Variants in GRIK2 observed in about 807,000 individuals in gnomAD.
GRIK2 encodes the protein glutamate ionotropic receptor kainate type subunit 2.
Under a neutral mutation model 100.3 loss-of-function variants are expected in GRIK2, and 32 were observed. The observed-to-expected ratio is 0.32, with a 90% CI of 0.24 to 0.43. The LOEUF (loss-of-function observed/expected upper bound fraction) is 0.43. Ranked by LOEUF, GRIK2 falls within the 20% of genes least tolerant of loss-of-function variation. The pLI, the probability that GRIK2 is intolerant of heterozygous loss-of-function variation, is 1.00. For synonymous variants in GRIK2, 417 were observed against 389.4 expected (o/e 1.07, Z -0.83); for missense variants, 843 against 1,114.9 (o/e 0.76, Z 3.47).
intron 7 of GRIK2, among the ~76,000 whole-genome samples, chr6:101,747,949 A>G (rs756830472): frequency 1.1e-4 from 16 of 152,198 alleles, no homozygotes; most frequent in Non-Finnish European, 2.1e-4. Flanking sequence ...GAGTCTCTGC[A>G]GGAGGATTTC....
At chr6:101,611,949 T>C (rs1482002829) in intron 2 of GRIK2, among the ~76,000 whole-genome samples, 1 of 151,896 alleles carries the variant, frequency 6.6e-6, no homozygotes, top group Non-Finnish European at 1.5e-5. Flanking sequence ...ATAAAACTCT[T>C]AGAATTTGTT....
chr6:101,660,754 T>C (rs1190388812), intron 4 of GRIK2, among the ~76,000 whole-genome samples: 1 of 152,082 alleles, frequency 6.6e-6, no homozygotes, highest in Non-Finnish European at 1.5e-5. Flanking sequence ...TCTTCTGGAG[T>C]TTGCTGGAGG....
At chr6:101,757,603 G>C (rs1051220860) in intron 7 of GRIK2, among the ~76,000 whole-genome samples, 1 of 152,120 alleles carries the variant, frequency 6.6e-6, no homozygotes, top group Non-Finnish European at 1.5e-5. Flanking sequence ...AAGGGGATGA[G>C]CGATTCGCCT....
At chr6:101,424,179 T>C (rs1335738847) in intron 2 of GRIK2, among the ~76,000 whole-genome samples, 2 of 152,158 alleles carry the variant, frequency 1.3e-5, no homozygotes, top group Admixed American at 1.3e-4. Context: ...TTTATTTTTT[T>C]TTATTATACT....
chr6:101,424,024 G>A (rs1445029365), intron 2 of GRIK2, among the ~76,000 whole-genome samples: 1 of 152,078 alleles, frequency 6.6e-6, no homozygotes. Context: ...TTACTCATGA[G>A]GATTTGATTT....
At chr6:101,833,646 C>T (rs1252039996) in intron 10 of GRIK2, among the ~76,000 whole-genome samples, 1 of 152,064 alleles carries the variant, frequency 6.6e-6, no homozygotes, top group Non-Finnish European at 1.5e-5. Context: ...TGATAATCTA[C>T]AGAGATTGTC....
intron 11 of GRIK2, among the ~76,000 whole-genome samples, chr6:101,861,922 A>G (rs112540293): frequency 3.3e-5 from 5 of 152,246 alleles, no homozygotes; most frequent in African/African-American, 9.6e-5. Flanking sequence ...ACAGAAGCTT[A>G]TATTACTATC....
At chr6:101,931,172 C>T (rs1301314133) in intron 14 of GRIK2, among the ~76,000 whole-genome samples, 2 of 151,746 alleles carry the variant, frequency 1.3e-5, no homozygotes, top group African/African-American at 4.8e-5. Flanking sequence ...ATAGTTATTC[C>T]AGCTATGGTA....
chr6:101,845,213 T>G (rs1783739021), intron 10 of GRIK2, among the ~76,000 whole-genome samples: 2 of 152,086 alleles, frequency 1.3e-5, no homozygotes, highest in Admixed American at 6.6e-5. Context: ...AGATGGGGTC[T>G]CGCTATGTTG....
chr6:101,676,828 C>T, intron 5 of GRIK2, 24 bp downstream of exon 5: 2 of 1,409,602 alleles, frequency 1.4e-6, no homozygotes, highest in Non-Finnish European at 2.0e-6. Flanking sequence ...TACTTCAATT[C>T]TTGTTTTCTT....
chr6:101,488,546 C>A (rs575799862), intron 2 of GRIK2, among the ~76,000 whole-genome samples: 2 of 146,178 alleles, frequency 1.4e-5, no homozygotes, highest in Non-Finnish European at 3.0e-5. Flanking sequence ...GGAATTGTTC[C>A]AGTTAATATA....
intron 7 of GRIK2, among the ~76,000 whole-genome samples, chr6:101,706,822 A>G (rs1773335995): frequency 6.6e-6 from 1 of 151,914 alleles, no homozygotes; most frequent in South Asian, 2.1e-4. Flanking sequence ...AGCCTATCTG[A>G]AGAGCAGCCT....
At chr6:101,811,347 T>G (rs1781313856) in intron 9 of GRIK2, among the ~76,000 whole-genome samples, 1 of 152,052 alleles carries the variant, frequency 6.6e-6, no homozygotes, top group African/African-American at 2.4e-5. Context: ...TCAAATAACT[T>G]TCTTTTTTAC....
chr6:101,536,141 G>T (rs1194740615), intron 2 of GRIK2, among the ~76,000 whole-genome samples: 1 of 151,364 alleles, frequency 6.6e-6, no homozygotes, highest in Non-Finnish European at 1.5e-5. Context: ...AAGTTTTTTT[G>T]TGTATGTGTG....
intron 14 of GRIK2, among the ~76,000 whole-genome samples, chr6:102,029,578 TTTATTAAA>T (rs1769878873): frequency 6.6e-6 from 1 of 151,284 alleles, no homozygotes; most frequent in South Asian, 2.1e-4. Context: ...AACTTTTTGC[TTTATTAAA>T]AATAAATCTA....
chr6:101,592,730 A>AATT (rs1447631944), intron 2 of GRIK2, among the ~76,000 whole-genome samples: 1 of 150,830 alleles, frequency 6.6e-6, no homozygotes, highest in African/African-American at 2.4e-5. Context: ...ATTGAAGCAA[A>AATT]ATTATATTCA....
chr6:101,592,586 CACATATAT>C (rs1157070390), intron 2 of GRIK2, among the ~76,000 whole-genome samples: 2 of 53,390 alleles, frequency 3.7e-5, no homozygotes, highest in South Asian at 8.1e-4. Flanking sequence ...TTACTAATAT[CACATATAT>C]ATATATATAT....
intron 9 of GRIK2, among the ~76,000 whole-genome samples, chr6:101,815,562 A>G (rs1422758974): frequency 6.6e-6 from 1 of 152,002 alleles, no homozygotes; most frequent in Non-Finnish European, 1.5e-5. Context: ...GAGTCACCAT[A>G]TATAAAACAA....
At chr6:101,929,629 A>G (rs1790133175) in intron 14 of GRIK2, among the ~76,000 whole-genome samples, 1 of 152,194 alleles carries the variant, frequency 6.6e-6, no homozygotes, top group African/African-American at 2.4e-5. Context: ...ACAGAATAAT[A>G]AACTTAAAAC....
Sources: gnomAD v4.1 joint callset for allele counts (sites outside exome capture counted in the v4.1 genomes callset) on GRCh38, gnomAD v4.1.1 for gene constraint, MANE v1.5 for transcripts, NCBI Gene and HGNC (gene_info 2026-07-23, HGNC 2026-07-21) for gene names.